The following CNTNAP2 variants were observed in gnomAD, a reference collection of about 807,000 sequenced individuals.
The protein encoded by CNTNAP2 is contactin-associated protein-like 2.
In CNTNAP2, 98 loss-of-function variants were observed where a neutral mutation model predicts 155.2. That is an observed-to-expected ratio of 0.63 (90% CI 0.54 to 0.75). The LOEUF is 0.75. CNTNAP2 is among the 30% of genes least tolerant of loss of function. CNTNAP2 has a pLI of 0.00. For synonymous variants in CNTNAP2, 651 were observed against 631.2 expected (o/e 1.03, Z -0.47); for missense variants, 1,727 against 1,688.1 (o/e 1.02, Z -0.40).
At chr7:147,416,796 A>G (rs1214545579) in intron 10 of CNTNAP2, among the ~76,000 whole-genome samples, 1 of 152,170 alleles carries the variant, frequency 6.6e-6, no homozygotes, top group Non-Finnish European at 1.5e-5. Flanking sequence ...ACATCTGCAT[A>G]AGATTTAATT....
chr7:146,835,499 T>C (rs1249432240), intron 2 of CNTNAP2, among the ~76,000 whole-genome samples: 1 of 152,100 alleles, frequency 6.6e-6, no homozygotes. Context: ...GTCCCCAAAA[T>C]TAACCTACAG....
chr7:146,925,880 T>G (rs1197765552), intron 3 of CNTNAP2, among the ~76,000 whole-genome samples: 2 of 152,134 alleles, frequency 1.3e-5, no homozygotes, highest in Non-Finnish European at 2.9e-5. Flanking sequence ...GACAATTCAA[T>G]TCTCAAGGTT....
At chr7:147,727,312 G>A (rs1291467614) in intron 13 of CNTNAP2, among the ~76,000 whole-genome samples, 2 of 151,908 alleles carry the variant, frequency 1.3e-5, no homozygotes, top group African/African-American at 4.8e-5. Flanking sequence ...CTTTCTGAGA[G>A]TAGAATATGA....
intron 2 of CNTNAP2, among the ~76,000 whole-genome samples, chr7:146,802,312 G>A (rs547308687): frequency 6.6e-6 from 1 of 152,220 alleles, no homozygotes; most frequent in South Asian, 2.1e-4. Context: ...GTTTTCTTCA[G>A]CAATGGAAAA....
intron 1 of CNTNAP2, among the ~76,000 whole-genome samples, chr7:146,661,485 T>A (rs924187093): frequency 6.6e-6 from 1 of 152,158 alleles, no homozygotes; most frequent in South Asian, 2.1e-4. Context: ...TCTGTCTCTG[T>A]AGTTGGACCT....
At chr7:146,366,880 A>C (rs943595859) in intron 1 of CNTNAP2, among the ~76,000 whole-genome samples, 1 of 152,138 alleles carries the variant, frequency 6.6e-6, no homozygotes, top group African/African-American at 2.4e-5. Flanking sequence ...AATTTCATAG[A>C]TAATCCCCTG....
intron 1 of CNTNAP2, among the ~76,000 whole-genome samples, chr7:146,705,023 C>T (rs1800939183): frequency 6.6e-6 from 1 of 152,088 alleles, no homozygotes; most frequent in Non-Finnish European, 1.5e-5. Context: ...AGAGAAGCGG[C>T]CTCTTTGCTA....
intron 21 of CNTNAP2, among the ~76,000 whole-genome samples, chr7:148,303,630 C>A (rs1234689264): frequency 6.6e-6 from 1 of 152,212 alleles, no homozygotes; most frequent in Admixed American, 6.5e-5. Flanking sequence ...GAAATATTTA[C>A]CATCACGTCT....
At chr7:146,969,866 A>G (rs1026597605) in intron 3 of CNTNAP2, among the ~76,000 whole-genome samples, 5 of 152,162 alleles carry the variant, frequency 3.3e-5, no homozygotes, top group Non-Finnish European at 7.3e-5. Context: ...ACAGAGATAT[A>G]GATCAATGGA....
intron 18 of CNTNAP2, among the ~76,000 whole-genome samples, chr7:148,183,023 T>C (rs112131979): frequency 2.0e-5 from 3 of 152,348 alleles, no homozygotes; most frequent in African/African-American, 4.8e-5. Context: ...TGATCATTAA[T>C]AATAATTTTA....
chr7:147,274,680 GC>G (rs1804854047), intron 8 of CNTNAP2, among the ~76,000 whole-genome samples: 1 of 151,942 alleles, frequency 6.6e-6, no homozygotes, highest in Admixed American at 6.6e-5. Context: ...TAGTTTAATT[GC>G]ATGTTATTTG....
At chr7:147,325,788 C>T (rs1188864532) in intron 9 of CNTNAP2, among the ~76,000 whole-genome samples, 1 of 152,182 alleles carries the variant, frequency 6.6e-6, no homozygotes, top group Non-Finnish European at 1.5e-5. Flanking sequence ...ACATTAGGTA[C>T]ATTTACCTTG....
chr7:146,702,007 A>G (rs1800886219), intron 1 of CNTNAP2, among the ~76,000 whole-genome samples: 2 of 152,304 alleles, frequency 1.3e-5, no homozygotes, highest in South Asian at 4.1e-4. Flanking sequence ...TGAAATAATT[A>G]ATTTTGAAGA....
chr7:148,389,181 T>C (rs1398737287), intron 22 of CNTNAP2, among the ~76,000 whole-genome samples: 1 of 152,212 alleles, frequency 6.6e-6, no homozygotes, highest in East Asian at 1.9e-4. Flanking sequence ...TCCTTTACTT[T>C]CCCAATTGAT....
intron 1 of CNTNAP2, among the ~76,000 whole-genome samples, chr7:146,269,830 T>A (rs1029602786): frequency 3.9e-5 from 6 of 152,226 alleles, no homozygotes; most frequent in African/African-American, 1.4e-4. Flanking sequence ...GGCTTCATAT[T>A]ATGAAGGATG....
At chr7:148,094,316 T>C (rs1248812620) in intron 15 of CNTNAP2, among the ~76,000 whole-genome samples, 1 of 152,224 alleles carries the variant, frequency 6.6e-6, no homozygotes, top group Non-Finnish European at 1.5e-5. Flanking sequence ...ATATTAAACA[T>C]AGACAAATAT....
chr7:146,560,987 G>A (rs1222339447), intron 1 of CNTNAP2, among the ~76,000 whole-genome samples: 1 of 152,056 alleles, frequency 6.6e-6, no homozygotes, highest in Admixed American at 6.6e-5. Context: ...AAGGAATTCA[G>A]TGAAACCTTC....
At chr7:147,037,653 G>A (rs1799181957) in intron 3 of CNTNAP2, among the ~76,000 whole-genome samples, 1 of 151,810 alleles carries the variant, frequency 6.6e-6, no homozygotes, top group South Asian at 2.1e-4. Flanking sequence ...GGCAGAGACG[G>A]GGTTTCACCA....
At chr7:146,687,795 C>A (rs1156768361) in intron 1 of CNTNAP2, among the ~76,000 whole-genome samples, 1 of 152,108 alleles carries the variant, frequency 6.6e-6, no homozygotes, top group Non-Finnish European at 1.5e-5. Context: ...TATAAATGAG[C>A]AAAACTTTCT....
Sources: allele counts gnomAD v4.1 joint callset (sites outside exome capture counted in the v4.1 genomes callset), GRCh38; gene constraint gnomAD v4.1.1; transcripts MANE v1.5; gene names NCBI Gene and HGNC (gene_info 2026-07-23, HGNC 2026-07-21).